ZNF140: variants seen among roughly 807,000 people sequenced by gnomAD.
ZNF140 encodes zinc finger protein 140 (clone pHZ-39).
A neutral mutation model predicts 12.9 loss-of-function variants in ZNF140; 13 were observed. The observed-to-expected ratio is 1.01, with a 90% CI of 0.66 to 1.60. The LOEUF (loss-of-function observed/expected upper bound fraction) is 1.60. Ranked by LOEUF, ZNF140 falls within the 40% of genes most tolerant of loss-of-function variation. The pLI is 0.00. For synonymous variants in ZNF140, 214 were observed against 186.7 expected, an observed-to-expected ratio of 1.15 and a Z score of -1.19; for missense variants, 531 against 548.8, an observed-to-expected ratio of 0.97 and a Z score of 0.32.
intron 4 of ZNF140, among the ~76,000 whole-genome samples, chr12:133,091,028 G>A (rs1456624694): frequency 1.3e-5 from 2 of 148,290 alleles, no homozygotes; most frequent in African/African-American, 5.0e-5. Flanking sequence ...AGTTCCCAGG[G>A]GCAGACAGGA....
Position 133,102,654 on chromosome 12 carries a change from CAGG to C in ZNF140, c.233-2853_233-2851del, listed in dbSNP as rs78892004. ...GTCCCAGCTACTCGGGAGGCTGAGGCAGGAGAATTGCTCAAACCTGGGAGGCGG... is the reference window on the plus strand; with the variant it reads ...GTCCCAGCTACTCGGGAGGCTGAGGCAGAATTGCTCAAACCTGGGAGGCGG... On this transcript the variant is annotated intron_variant, in intron 4 of 4. Transcript: ENST00000355557. 3.6e-3 allele frequency among the ~76,000 whole-genome samples: 553 copies of C among 151,638 alleles called. 4 individuals carry two copies. The highest frequency in any genetic ancestry group is 5.7e-3 in the Non-Finnish European group (389 of 67,982).
chr12:133,095,717 T>C (rs934686906), intron 4 of ZNF140, among the ~76,000 whole-genome samples: 30 of 151,672 alleles, frequency 2.0e-4, no homozygotes, highest in African/African-American at 5.8e-4. Flanking sequence ...AAGGAGAAGG[T>C]CAGCAAAAAA....
intron 4 of ZNF140, among the ~76,000 whole-genome samples, chr12:133,096,244 C>T (rs1028613089): frequency 5.9e-5 from 9 of 152,032 alleles, no homozygotes; most frequent in Non-Finnish European, 1.0e-4. Context: ...TGCTTGTAAA[C>T]ATTTTGTTAA....
intron 4 of ZNF140, among the ~76,000 whole-genome samples, chr12:133,097,460 G>A (rs1955169373): frequency 6.6e-6 from 1 of 152,022 alleles, no homozygotes; most frequent in Non-Finnish European, 1.5e-5. Flanking sequence ...TGGCTAACAT[G>A]ATGAAACCTC....
chr12:133,081,182 G>C, intron 1 of ZNF140, 91 bp from the exon 2 acceptor site: 1 of 432,866 alleles, frequency 2.3e-6, no homozygotes, highest in Non-Finnish European at 4.3e-6. Flanking sequence ...GCGCGGAGCG[G>C]GGGCCACGGG....
chr12:133,094,094 G>A (rs889042682), intron 4 of ZNF140, among the ~76,000 whole-genome samples: 5 of 151,238 alleles, frequency 3.3e-5, no homozygotes, highest in African/African-American at 7.3e-5. Flanking sequence ...TCAGGCCTGC[G>A]TTTGCAACCT....
chr12:133,083,054 G>A, intron 2 of ZNF140, 49 bp from the exon 3 acceptor site: 2 of 1,613,480 alleles, frequency 1.2e-6, no homozygotes, highest in Non-Finnish European at 1.7e-6. Context: ...TGATGAGGGA[G>A]TTTGGGGGCA....
intron 2 of ZNF140, chr12:133,082,467 G>A (rs1301095373): frequency 6.6e-6 from 1 of 152,320 alleles, no homozygotes; most frequent in Non-Finnish European, 1.5e-5. Flanking sequence ...TGCAAAGCAA[G>A]GGCTTATATA....
chr12:133,100,041 G>A (rs1489291663), intron 4 of ZNF140, among the ~76,000 whole-genome samples: 1 of 151,480 alleles, frequency 6.6e-6, no homozygotes, highest in Non-Finnish European at 1.5e-5. Context: ...TATCTTCAGG[G>A]GATATTTTCC....
rs1003188695 is a variant in ZNF140, at chr12:133,083,540, G to A, written c.211G>A (p.Val71Met). ...GKEPWLGKRE[V>M]KRDLFSVSES... ...AGAACCCTGGCTGGGGAAAAGGGAA[G>A]TGAAAAGAGATCTGTTTTCAGGTGA... Residue 71 changes from valine to methionine, a missense_variant, in exon 4 of 5, where the codon GTG becomes ATG. Transcript: ENST00000355557. The A allele has an allele frequency of 3.7e-6, 6 of 1,613,996 alleles. No individual in the cohort carries two copies. In the African/African-American group the frequency reaches 5.3e-5, roughly 14 times the overall value.
chr12:133,105,941 TG>T lies in ZNF140; in HGVS notation c.665del (p.Cys222LeufsTer47). The T allele has an allele frequency of 6.2e-7, 1 of 1,614,184 alleles. No individual in the cohort carries two copies. The highest frequency in any genetic ancestry group is 8.5e-7 in the Non-Finnish European group (1 of 1,180,030). On this transcript the variant is annotated frameshift_variant, in exon 5 of 5. Transcript: ENST00000355557. LOFTEE classifies it low-confidence loss of function (END_TRUNC). Reference sequence around the variant, plus strand: ...AAAGAAACCCCATGAGTGTAAGGACTGTAATAAAACATTCAGTTACCTTTCA... The same window carrying T: ...AAAGAAACCCCATGAGTGTAAGGACTTAATAAAACATTCAGTTACCTTTCA... ...TGKKPHECKD[C>X]NKTFSYLSFL...
chr12:133,087,052 CCTT>C (rs1954699440), intron 4 of ZNF140, among the ~76,000 whole-genome samples: 1 of 152,144 alleles, frequency 6.6e-6, no homozygotes, highest in South Asian at 2.1e-4. Context: ...TACCCCTGCC[CCTT>C]TTTTTCTCTG....
At chr12:133,094,717 G>A (rs73160472) in intron 4 of ZNF140, among the ~76,000 whole-genome samples, 2 of 151,280 alleles carry the variant, frequency 1.3e-5, no homozygotes, top group African/African-American at 4.9e-5. Context: ...TGCAGGTTGG[G>A]CAATAATGAG....
chr12:133,089,896 G>A (rs1416337266), intron 4 of ZNF140, among the ~76,000 whole-genome samples: 2 of 151,352 alleles, frequency 1.3e-5, no homozygotes, highest in Admixed American at 6.6e-5. Context: ...TTTTGCCCAG[G>A]CTGGAGTGCA....
chr12:133,097,749 G>A (rs1163213466), intron 4 of ZNF140, among the ~76,000 whole-genome samples: 2 of 151,894 alleles, frequency 1.3e-5, no homozygotes, highest in Non-Finnish European at 1.5e-5. Flanking sequence ...AAATTCTTGG[G>A]CTCAAGAGAT....
upstream of ZNF140, chr12:133,080,488 C>T (rs1342805444): frequency 2.6e-5 from 4 of 152,350 alleles, no homozygotes; most frequent in Non-Finnish European, 4.4e-5. Context: ...GTTCCACGTT[C>T]TTCGTTTCTC....
intron 4 of ZNF140, among the ~76,000 whole-genome samples, chr12:133,098,125 C>T (rs1011728252): frequency 6.6e-6 from 1 of 151,894 alleles, no homozygotes; most frequent in Non-Finnish European, 1.5e-5. Flanking sequence ...TGAGCCTACG[C>T]ACCCAGCCCC....
Position 133,106,591 on chromosome 12 carries a change from C to G in ZNF140, c.1314C>G (p.Asp438Glu). Residue 438 changes from aspartate (D) to glutamate (E), a missense_variant, in exon 5 of 5, where the codon GAC becomes GAG. Physicochemically the swap from Asp to Glu is conservative, Grantham distance 45 (BLOSUM62 2). Coordinates refer to ENST00000355557, the MANE Select transcript of ZNF140 (RefSeq NM_003440.4). ...LAKHQRTHTL[D>E]NPYEYENSFN... ...AACATCAGAGGACACACACTCTTGA[C>G]AACCCCTATGAATATGAAAATTCAT... The G allele has an allele frequency of 1.2e-6, 2 of 1,612,954 alleles. No homozygotes were observed. Among genetic ancestry groups the G allele is most frequent in the Non-Finnish European group, 1.7e-6 (2 of 1,179,700 alleles).
Position 133,106,637 on chromosome 12 carries a change from A to T in ZNF140, c.1360A>T (p.Thr454Ser). ...ENSFNYHSFL[T>S]EHQ Reference sequence around the variant, plus strand: ...TTCATTTAATTACCACTCATTCCTTACTGAACACCAGTGAATTTACACTGC... The same window carrying T: ...TTCATTTAATTACCACTCATTCCTTTCTGAACACCAGTGAATTTACACTGC... The change falls in exon 5 of 5, where the codon ACT becomes TCT. Residue 454 changes from threonine to serine, a missense_variant. By Grantham distance (58) the Thr-to-Ser change is moderately conservative (BLOSUM62 1). Transcript: ENST00000355557. The T allele has an allele frequency of 1.3e-6, 2 of 1,586,068 alleles. No homozygotes were observed. The highest frequency in any genetic ancestry group is 1.7e-4 in the Middle Eastern group (1 of 5,926).
Sources: allele counts gnomAD v4.1 joint callset (sites outside exome capture counted in the v4.1 genomes callset), GRCh38; gene constraint gnomAD v4.1.1; transcripts MANE v1.5; gene names NCBI Gene and HGNC (gene_info 2026-07-23, HGNC 2026-07-21).